Variants in PPP6R2 observed in about 807,000 individuals in gnomAD.
PPP6R2 encodes the protein protein phosphatase 6 regulatory subunit 2, also known as serine/threonine-protein phosphatase 6 regulatory subunit 2.
Under a neutral mutation model 100.2 loss-of-function variants are expected in PPP6R2, and 62 were observed. The ratio of observed to expected loss-of-function variants is 0.62; its 90% CI spans 0.50 to 0.76. PPP6R2 has a LOEUF of 0.76. Ranked by LOEUF, PPP6R2 falls within the 30% of genes least tolerant of loss-of-function variation. PPP6R2 has a pLI of 0.00. For synonymous variants in PPP6R2, 525 were observed against 514.7 expected (o/e 1.02, Z -0.27); for missense variants, 1,142 against 1,276.3 (o/e 0.89, Z 1.60).
chr22:50,414,208 G>C (rs899011056), intron 4 of PPP6R2, among the ~76,000 whole-genome samples: 1 of 151,674 alleles, frequency 6.6e-6, no homozygotes, highest in Non-Finnish European at 1.5e-5. Context: ...TATACCATTC[G>C]TTTCTGTTGG....
At chr22:50,338,364 GGT>G (rs1466869448), upstream of PPP6R2, among the ~76,000 whole-genome samples, 10 of 145,346 alleles carry the variant, frequency 6.9e-5, no homozygotes, top group Non-Finnish European at 1.2e-4. Flanking sequence ...TATGGTGTGT[GGT>G]GTGTGTATGG....
chr22:50,336,868 A>G, the PPP6R2 span, among the ~76,000 whole-genome samples: 1 of 151,820 alleles, frequency 6.6e-6, no homozygotes, highest in Non-Finnish European at 1.5e-5. Flanking sequence ...CACCATGCCC[A>G]GCTAATTTTA....
intron 1 of PPP6R2, among the ~76,000 whole-genome samples, chr22:50,350,841 T>C (rs2044934790): frequency 9.0e-6 from 1 of 111,502 alleles, no homozygotes; most frequent in Non-Finnish European, 1.8e-5. Context: ...CAAGACTCCG[T>C]CTCAAAAAAA....
chr22:50,377,490 A>G (rs902732415), intron 2 of PPP6R2, among the ~76,000 whole-genome samples: 4 of 152,108 alleles, frequency 2.6e-5, no homozygotes, highest in Non-Finnish European at 4.4e-5. Flanking sequence ...ATAACAAAAT[A>G]TATACAGTGA....
intron 5 of PPP6R2, among the ~76,000 whole-genome samples, 191 bp from the exon 6 acceptor site, chr22:50,415,899 CTT>C (rs913627629): frequency 6.6e-6 from 1 of 152,226 alleles, no homozygotes; most frequent in Non-Finnish European, 1.5e-5. Context: ...CCTTTATCAT[CTT>C]TTGAGCCACT....
At position 50,441,195 on chromosome 22, in the gene PPP6R2, TG is replaced by T; in HGVS notation, c.2579+171del. ...CTTCAGAGGCTGGCTGAGGCGGCGG[TG>T]GTGCCCACGCGTTTACGTGGAGGCC... On this transcript the variant is annotated intron_variant, in intron 22 of 23. Transcript: ENST00000612753. The T allele has an allele frequency of 6.3e-6, 4 of 637,624 alleles. No individual in the cohort carries two copies. The East Asian group carries it at 1.1e-4, about 18-fold the overall frequency. 39.5% of individuals were successfully genotyped at this position (637,624 alleles called of 1,614,324 possible). A position where few individuals can be genotyped will look rare whatever the true frequency, so the allele number is the denominator to read the frequency against.
chr22:50,437,624 C>T (rs745922343), intron 16 of PPP6R2, 21 bp downstream of exon 16: 40 of 1,570,900 alleles, frequency 2.5e-5, no homozygotes, highest in Middle Eastern at 1.7e-4. Flanking sequence ...TTGGAGCGCA[C>T]TCTGCACGAG....
the PPP6R2 span, among the ~76,000 whole-genome samples, chr22:50,337,460 A>G: frequency 9.3e-5 from 7 of 75,424 alleles, no homozygotes; most frequent in African/African-American, 1.1e-4. Flanking sequence ...TGTGTGTGGT[A>G]TGTAGTGTGT....
Position 50,398,970 on chromosome 22 carries a change from G to A in PPP6R2, c.227+4835G>A, listed in dbSNP as rs188344033. 1.8e-4 allele frequency among the ~76,000 whole-genome samples: 27 copies of A among 152,234 alleles called. No homozygotes were observed. The East Asian group carries it at 2.5e-3, about 14-fold the overall frequency. On this transcript the variant is annotated intron_variant, in intron 3 of 23. Coordinates refer to ENST00000612753, the MANE Select transcript of PPP6R2 (RefSeq NM_001242898.2). ...TTTTTTGAGAAATAGAATAGGGGCC[G>A]GGCGTGGTGGCTCACGCCTGTAATC... is the stretch of plus-strand genomic sequence containing the variant.
At chr22:50,337,964 G>A in the PPP6R2 span, among the ~76,000 whole-genome samples, 1 of 143,538 alleles carries the variant, frequency 7.0e-6, no homozygotes, top group African/African-American at 2.6e-5. Context: ...TGTGGTGTGT[G>A]TGGGTGTGTG....
intron 2 of PPP6R2, chr22:50,393,513 G>A (rs1313724222): frequency 1.0e-6 from 1 of 985,038 alleles, no homozygotes; most frequent in African/African-American, 1.8e-5. Context: ...TGAGGGGCAT[G>A]TCGAGCACGC....
chr22:50,336,137 A>C, the PPP6R2 span, among the ~76,000 whole-genome samples: 2 of 151,466 alleles, frequency 1.3e-5, no homozygotes, highest in Non-Finnish European at 2.9e-5. Flanking sequence ...GACGCCTGCC[A>C]CCATGCCCGG....
intron 2 of PPP6R2, among the ~76,000 whole-genome samples, chr22:50,375,128 A>G (rs2051195238): frequency 6.6e-6 from 1 of 152,128 alleles, no homozygotes; most frequent in African/African-American, 2.4e-5. Flanking sequence ...GAGAGCATGT[A>G]TGTTTTATTA....
At chr22:50,437,935 CT>C in intron 17 of PPP6R2, 35 bp downstream of exon 17, 3 of 1,563,518 alleles carry the variant, frequency 1.9e-6, no homozygotes, top group Non-Finnish European at 1.7e-6. Context: ...TGCCGCCACC[CT>C]TTTCCCAGGC....
chr22:50,406,034 C>T (rs1441328658), intron 3 of PPP6R2, among the ~76,000 whole-genome samples: 5 of 126,096 alleles, frequency 4.0e-5, no homozygotes, highest in African/African-American at 6.2e-5. Context: ...GGTGAGAGAC[C>T]TGGCAGGCGA....
intron 10 of PPP6R2, among the ~76,000 whole-genome samples, chr22:50,428,592 C>G (rs2062605972): frequency 6.6e-6 from 1 of 152,096 alleles, no homozygotes; most frequent in Non-Finnish European, 1.5e-5. Context: ...TGGCACAGAT[C>G]TGTAGTCCCA....
chr22:50,364,487 C>G (rs1487965577), intron 1 of PPP6R2, among the ~76,000 whole-genome samples: 1 of 152,032 alleles, frequency 6.6e-6, no homozygotes, highest in Non-Finnish European at 1.5e-5. Flanking sequence ...TAAGTCTCAT[C>G]ACATGGATAT....
At chr22:50,429,535 GATA>G (rs2062772005) in intron 10 of PPP6R2, among the ~76,000 whole-genome samples, 2 of 152,188 alleles carry the variant, frequency 1.3e-5, no homozygotes, top group Admixed American at 1.3e-4. Context: ...CATCCATGTT[GATA>G]AGGAACATTG....
intron 1 of PPP6R2, among the ~76,000 whole-genome samples, chr22:50,346,994 C>T (rs2043924818): frequency 6.6e-6 from 1 of 151,534 alleles, no homozygotes; most frequent in Non-Finnish European, 1.5e-5. Context: ...CCCCACCTGT[C>T]ATTGATCTTC....
Sources: gnomAD v4.1 joint callset for allele counts (sites outside exome capture counted in the v4.1 genomes callset) on GRCh38, gnomAD v4.1.1 for gene constraint, MANE v1.5 for transcripts, NCBI Gene and HGNC (gene_info 2026-07-23, HGNC 2026-07-21) for gene names.